RNF216: variants seen among roughly 807,000 people sequenced by gnomAD.
The protein encoded by RNF216 is E3 ubiquitin-protein ligase RNF216.
Under a neutral mutation model 110.8 loss-of-function variants are expected in RNF216, and 72 were observed. The observed-to-expected ratio is 0.65, with a 90% CI of 0.54 to 0.79. The LOEUF (loss-of-function observed/expected upper bound fraction) is 0.79, where lower values mean the gene tolerates loss of function less well. Among genes scored for constraint, RNF216 ranks in the 30% least tolerant of loss-of-function variants. The pLI is 0.00. For synonymous variants in RNF216, 495 were observed against 407.5 expected (o/e 1.21, Z -2.59); for missense variants, 1,342 against 1,141.2 (o/e 1.18, Z -2.54).
intron 13 of RNF216, among the ~76,000 whole-genome samples, chr7:5,686,021 G>A (rs1399163833): frequency 6.6e-6 from 1 of 151,926 alleles, no homozygotes; most frequent in African/African-American, 2.4e-5. Context: ...TGAGGAGTTC[G>A]AGACTAGCAT....
rs186635187 is a variant in RNF216, at chr7:5,640,995, T to C, written c.2382+159A>G. Among the ~76,000 whole-genome samples, 4 of 152,398 alleles carry C rather than the reference T, an allele frequency of 2.6e-5. No individual in the cohort carries two copies. In the East Asian group the frequency reaches 7.7e-4, roughly 29 times the overall value. ...TTTGAGCAGCATGAGGAGTAGCTGA[T>C]AATTAGTTTCTCAAATTTTTTCTTT... On this transcript the variant is annotated intron_variant, in intron 15 of 16. Coordinates refer to ENST00000389902, the MANE Select transcript of RNF216 (RefSeq NM_207111.4).
chr7:5,770,396 G>A (rs1467603264), intron 1 of RNF216, among the ~76,000 whole-genome samples: 1 of 151,876 alleles, frequency 6.6e-6, no homozygotes, highest in Non-Finnish European at 1.5e-5. Flanking sequence ...GGGAGGCGGA[G>A]GTTGTGGTGA....
intron 1 of RNF216, among the ~76,000 whole-genome samples, chr7:5,768,288 TA>T (rs1218175762): frequency 1.1e-5 from 1 of 93,008 alleles, no homozygotes; most frequent in Non-Finnish European, 2.1e-5. Flanking sequence ...TTGTCGCTAT[TA>T]GGGGGAAAAA....
chr7:5,686,803 A>C (rs1215211300), intron 13 of RNF216, among the ~76,000 whole-genome samples: 3 of 152,168 alleles, frequency 2.0e-5, no homozygotes, highest in Non-Finnish European at 2.9e-5. Flanking sequence ...GGGCGTGGAG[A>C]GATGGCTTCA....
Position 5,622,548 on chromosome 7 carries a change from C to T in RNF216, c.*312G>A. On this transcript the variant is annotated 3_prime_UTR_variant, in exon 17 of 17. Coordinates refer to ENST00000389902, the MANE Select transcript of RNF216 (RefSeq NM_207111.4). ...CGAGGAGAGGCCCAGGTGTGAGCAGCAGGGACCTGGTCTATGGCCTATGCC... is the reference window on the plus strand; with the variant it reads ...CGAGGAGAGGCCCAGGTGTGAGCAGTAGGGACCTGGTCTATGGCCTATGCC... The T allele has an allele frequency of 3.2e-6, 1 of 316,534 alleles. No homozygotes were observed. Among genetic ancestry groups the T allele is most frequent in the Non-Finnish European group, 5.8e-6 (1 of 172,022 alleles). The allele number at this position is 316,534 out of a possible 1,614,324, so 19.6% of individuals were successfully genotyped here.
chr7:5,695,283 T>A (rs1791555915), intron 13 of RNF216, among the ~76,000 whole-genome samples: 1 of 152,144 alleles, frequency 6.6e-6, no homozygotes, highest in Non-Finnish European at 1.5e-5. Context: ...GCAGACCCAG[T>A]GCAGCAACTT....
At chr7:5,760,961 A>T (rs1225224602) in intron 2 of RNF216, 42 bp downstream of exon 2, 1 of 1,474,358 alleles carries the variant, frequency 6.8e-7, no homozygotes, top group East Asian at 2.3e-5. Flanking sequence ...ACTAAAAGAA[A>T]AAGCCACAGG....
At chr7:5,635,927 G>C (rs1215826724) in intron 15 of RNF216, among the ~76,000 whole-genome samples, 1 of 152,202 alleles carries the variant, frequency 6.6e-6, no homozygotes, top group Non-Finnish European at 1.5e-5. Context: ...GAACTGGACA[G>C]GTTTCAAACT....
At chr7:5,695,841 T>C (rs938448621) in intron 13 of RNF216, among the ~76,000 whole-genome samples, 1 of 152,216 alleles carries the variant, frequency 6.6e-6, no homozygotes, top group African/African-American at 2.4e-5. Flanking sequence ...TCAAGCCCCA[T>C]TGTGGAAATG....
In RNF216 at chr7:5,622,468, C is replaced by T. The variant is rs568630800; in HGVS notation, c.*392G>A. On this transcript the variant is annotated 3_prime_UTR_variant, in exon 17 of 17. Transcript: ENST00000389902. ...CAGCCCCCTCTGCCCTTGGCCCAAC[C>T]GTGGGCCCCTCCAGGGAGATGCTCT... The T allele has an allele frequency of 4.4e-4, 78 of 175,658 alleles. No individual in the cohort carries two copies. Among genetic ancestry groups the T allele is most frequent in the Non-Finnish European group, 7.6e-4 (64 of 83,912 alleles). 10.9% of individuals were successfully genotyped at this position (175,658 alleles called of 1,614,324 possible). A position where few individuals can be genotyped will look rare whatever the true frequency, so the allele number is the denominator to read the frequency against.
intron 15 of RNF216, among the ~76,000 whole-genome samples, chr7:5,627,670 C>T (rs1273143770): frequency 6.6e-6 from 1 of 151,882 alleles, no homozygotes; most frequent in Non-Finnish European, 1.5e-5. Context: ...TGGCTTGAAC[C>T]TGGGAGGTGG....
At position 5,741,350 on chromosome 7, in the gene RNF216, C is replaced by T. The variant is rs765025959; in HGVS notation, c.667G>A (p.Ala223Thr). 4 of 1,614,020 alleles carry T rather than the reference C, an allele frequency of 2.5e-6. No individual in the cohort carries two copies. The African/African-American group carries it at 5.3e-5, about 22-fold the overall frequency. The change falls in exon 4 of 17, where the codon GCC becomes ACC. Residue 223 changes from alanine (A) to threonine (T), a missense_variant. Transcript: ENST00000389902. ...TCTAACCAGCAGTCTTCTTCGATGG[C>T]CTGATCATCTGCTAGAGCAGCTGAC... is the stretch of plus-strand genomic sequence containing the variant. ...GESAALADDQ[A>T]IEEDCWLDHP... is the part of the protein sequence containing the mutation.
At chr7:5,720,671 T>G (rs913970361) in intron 9 of RNF216, among the ~76,000 whole-genome samples, 2 of 152,006 alleles carry the variant, frequency 1.3e-5, no homozygotes, top group Admixed American at 6.6e-5. Context: ...GGGTCACACT[T>G]TGAGAGCCAC....
At chr7:5,691,167 G>GT (rs1417861447) in intron 13 of RNF216, among the ~76,000 whole-genome samples, 1 of 151,904 alleles carries the variant, frequency 6.6e-6, no homozygotes, top group Non-Finnish European at 1.5e-5. Flanking sequence ...GGTGATCAAC[G>GT]TGACAGCACT....
At chr7:5,694,620 CAA>C (rs1562399220) in intron 13 of RNF216, among the ~76,000 whole-genome samples, 19 of 152,208 alleles carry the variant, frequency 1.2e-4, no homozygotes, top group African/African-American at 4.3e-4. Context: ...TCAAGGGCTC[CAA>C]GCCAAAGGAT....
At chr7:5,715,888 C>A (rs945235616) in intron 10 of RNF216, among the ~76,000 whole-genome samples, 9 of 151,690 alleles carry the variant, frequency 5.9e-5, no homozygotes, top group Non-Finnish European at 1.2e-4. Flanking sequence ...ATTACAGGCA[C>A]CCGCCACTAT....
intron 11 of RNF216, among the ~76,000 whole-genome samples, chr7:5,714,224 G>C (rs2128631281): frequency 6.6e-6 from 1 of 152,188 alleles, no homozygotes; most frequent in South Asian, 2.1e-4. Context: ...GCCTCCCAAA[G>C]TGCTGGGATT....
At chr7:5,629,615 T>A (rs1304408142) in intron 15 of RNF216, among the ~76,000 whole-genome samples, 4 of 151,800 alleles carry the variant, frequency 2.6e-5, no homozygotes, top group Admixed American at 6.6e-5. Flanking sequence ...GATCACGACG[T>A]CAGGAGTTTG....
chr7:5,636,301 T>C (rs1183562172), intron 15 of RNF216, among the ~76,000 whole-genome samples: 1 of 152,242 alleles, frequency 6.6e-6, no homozygotes, highest in Non-Finnish European at 1.5e-5. Context: ...TCTGGTTTTT[T>C]GCTTCCTAAA....
Sources: allele counts gnomAD v4.1 joint callset (sites outside exome capture counted in the v4.1 genomes callset), GRCh38; gene constraint gnomAD v4.1.1; transcripts MANE v1.5; gene names NCBI Gene and HGNC (gene_info 2026-07-23, HGNC 2026-07-21).